CNTN6: variants seen among roughly 807,000 people sequenced by gnomAD.
CNTN6 encodes the protein contactin-6.
A neutral mutation model predicts 122.8 loss-of-function variants in CNTN6; 137 were observed. The ratio of observed to expected loss-of-function variants is 1.12; its 90% confidence interval spans 0.97 to 1.29. CNTN6 has a LOEUF of 1.29. CNTN6 is among the 50% of genes most tolerant of loss of function. The probability of loss-of-function intolerance (pLI) is 0.00; values close to 1 mark genes in which losing one functional copy is unlikely to be tolerated. For missense variants in CNTN6, 1,634 were observed against 1,223.4 expected, an observed-to-expected ratio of 1.34 and a Z score of -5.01; for synonymous variants, 570 against 426.0, an observed-to-expected ratio of 1.34 and a Z score of -4.16.
intron 9 of CNTN6, 43 bp from the exon 10 acceptor site, chr3:1,327,414 A>T (rs748752233): frequency 1.3e-6 from 2 of 1,578,990 alleles, no homozygotes; most frequent in South Asian, 1.1e-5. Flanking sequence ...AGAGAATGCT[A>T]TATTAACGTA....
chr3:1,253,765 A>T (rs1575434818), intron 4 of CNTN6, among the ~76,000 whole-genome samples: 2 of 151,772 alleles, frequency 1.3e-5, no homozygotes, highest in South Asian at 2.1e-4. Context: ...AGGCGGTAAC[A>T]CTCTCTCACC....
chr3:1,176,726 AC>A (rs1161884491), intron 2 of CNTN6, among the ~76,000 whole-genome samples: 1 of 152,216 alleles, frequency 6.6e-6, no homozygotes, highest in Non-Finnish European at 1.5e-5. Flanking sequence ...AATTGAATTT[AC>A]TAAGTGGAAA....
At chr3:1,321,578 G>A in intron 7 of CNTN6, 72 bp from the exon 8 acceptor site, 2 of 1,319,652 alleles carry the variant, frequency 1.5e-6, no homozygotes. Context: ...TTATTTGTAT[G>A]GATGCTCTTC....
intron 5 of CNTN6, among the ~76,000 whole-genome samples, 191 bp from the exon 6 acceptor site, chr3:1,295,410 C>T (rs555211070): frequency 6.6e-6 from 1 of 152,220 alleles, no homozygotes; most frequent in East Asian, 1.9e-4. Context: ...CATAATTTAT[C>T]GTCCAATCTG....
chr3:1,134,174 G>A (rs1223818427), intron 1 of CNTN6, among the ~76,000 whole-genome samples: 1 of 152,138 alleles, frequency 6.6e-6, no homozygotes, highest in Admixed American at 6.5e-5. Context: ...TTGAAGTAGT[G>A]TTATATTACT....
At position 1,373,810 on chromosome 3, in the gene CNTN6, C is replaced by T. The variant is rs111967001; in HGVS notation, c.1945+48C>T. ...GTCACTTTAAAAATAATATTTTAGT[C>T]CAATAATTTTAATAAATGCAATTAC... On this transcript the variant is annotated intron_variant, in intron 15 of 22. Transcript: ENST00000446702. 9.1e-5 allele frequency: 137 copies of T among 1,509,452 alleles called. 1 individual carries two copies. In the African/African-American group the frequency reaches 1.5e-3, roughly 17 times the overall value. The allele number at this position is 1,509,452 out of a possible 1,614,324, so 93.5% of individuals were successfully genotyped here.
chr3:1,180,243 C>T (rs927545138), intron 2 of CNTN6, among the ~76,000 whole-genome samples: 1 of 152,028 alleles, frequency 6.6e-6, no homozygotes, highest in Non-Finnish European at 1.5e-5. Flanking sequence ...GAGAAAGATA[C>T]ATAAAGAAAG....
intron 11 of CNTN6, among the ~76,000 whole-genome samples, chr3:1,349,777 GTTGT>G (rs1705338656): frequency 6.6e-6 from 1 of 151,420 alleles, no homozygotes; most frequent in Admixed American, 6.6e-5. Flanking sequence ...CAATGATCAG[GTTGT>G]TTAATTCTGT....
chr3:1,146,582 T>G lies in CNTN6; in HGVS notation c.-82-1345T>G, dbSNP rs548379089. Among the ~76,000 whole-genome samples the G allele has an allele frequency of 4.4e-4, 67 of 152,184 alleles. 1 individual carries two copies. Among genetic ancestry groups the G allele is most frequent in the Middle Eastern group, 3.4e-3 (1 of 294 alleles). On this transcript the variant is annotated intron_variant, in intron 1 of 22. Transcript: ENST00000446702. ...AATATTATCATATTTACTACACAAA[T>G]ATTTTCCTGTGTGCGTAAGGTTTTT... is the stretch of plus-strand genomic sequence containing the variant.
intron 2 of CNTN6, among the ~76,000 whole-genome samples, chr3:1,157,791 C>A: frequency 6.6e-6 from 1 of 152,132 alleles, no homozygotes; most frequent in Non-Finnish European, 1.5e-5. Flanking sequence ...TTAATGACCT[C>A]CAGTTCCATC....
chr3:1,357,811 T>G (rs1162887378), intron 12 of CNTN6, among the ~76,000 whole-genome samples: 1 of 151,716 alleles, frequency 6.6e-6, no homozygotes, highest in African/African-American at 2.4e-5. Flanking sequence ...AGTGCAATAT[T>G]TATGTGCATT....
chr3:1,196,751 A>T (rs1287071089), intron 2 of CNTN6, among the ~76,000 whole-genome samples: 1 of 152,208 alleles, frequency 6.6e-6, no homozygotes, highest in Non-Finnish European at 1.5e-5. Flanking sequence ...AAAAACTACC[A>T]TTTACATCAT....
chr3:1,387,282 A>G (rs1412127870), intron 20 of CNTN6, among the ~76,000 whole-genome samples: 3 of 152,222 alleles, frequency 2.0e-5, no homozygotes, highest in Non-Finnish European at 4.4e-5. Flanking sequence ...CCAGTTTTAG[A>G]CAGGCTGGGC....
intron 2 of CNTN6, among the ~76,000 whole-genome samples, chr3:1,177,549 T>A (rs551433070): frequency 1.1e-4 from 17 of 152,286 alleles, no homozygotes; most frequent in Non-Finnish European, 2.4e-4. Flanking sequence ...AAGAAATTTT[T>A]AAAATATATT....
intron 19 of CNTN6, among the ~76,000 whole-genome samples, chr3:1,384,380 A>C (rs955792077): frequency 3.5e-5 from 5 of 143,226 alleles, no homozygotes; most frequent in African/African-American, 1.5e-4. Context: ...TGTGAATTGC[A>C]GTATAACTTG....
chr3:1,287,954 C>T (rs1022544027), intron 5 of CNTN6, among the ~76,000 whole-genome samples: 3 of 151,802 alleles, frequency 2.0e-5, no homozygotes, highest in Non-Finnish European at 2.9e-5. Flanking sequence ...GCCACTGTTA[C>T]TTATTCCTCT....
chr3:1,238,811 T>C (rs574803614), intron 4 of CNTN6, among the ~76,000 whole-genome samples: 32 of 152,114 alleles, frequency 2.1e-4, no homozygotes, highest in African/African-American at 7.2e-4. Flanking sequence ...GGCAAATACA[T>C]GGAAATTAAA....
chr3:1,245,181 AG>A (rs74599896), intron 4 of CNTN6, among the ~76,000 whole-genome samples: 48,070 of 48,074 alleles, frequency 1, 24,033 homozygotes, highest in Middle Eastern at 1. Context: ...ATCAACAAGT[AG>A]GGTAAAGAAA....
intron 2 of CNTN6, among the ~76,000 whole-genome samples, chr3:1,189,532 TA>T (rs2093672111): frequency 2.0e-5 from 3 of 152,248 alleles, no homozygotes; most frequent in Admixed American, 1.3e-4. Flanking sequence ...CATTCACTTG[TA>T]CATCCTGAAT....
Sources: allele counts gnomAD v4.1 joint callset (sites outside exome capture counted in the v4.1 genomes callset), GRCh38; gene constraint gnomAD v4.1.1; transcripts MANE v1.5; gene names NCBI Gene and HGNC (gene_info 2026-07-23, HGNC 2026-07-21).